The following KCNK9 variants were observed in gnomAD, a reference collection of about 807,000 sequenced individuals.
The protein encoded by KCNK9 is potassium two pore domain channel subfamily K member 9, also known as potassium channel subfamily K member 9.
A neutral mutation model predicts 10.8 loss-of-function variants in KCNK9; 1 was observed. The ratio of observed to expected loss-of-function variants is 0.09; its 90% CI spans 0.03 to 0.44. The LOEUF (loss-of-function observed/expected upper bound fraction) is 0.44. Ranked by LOEUF, KCNK9 falls within the 20% of genes least tolerant of loss-of-function variation. KCNK9 has a pLI of 0.97. For synonymous variants in KCNK9, 231 were observed against 222.7 expected, an observed-to-expected ratio of 1.04 and a Z score of -0.33; for missense variants, 303 against 515.0, an observed-to-expected ratio of 0.59 and a Z score of 3.98.
intron 2 of KCNK9, among the ~76,000 whole-genome samples, chr8:139,606,886 AC>A (rs1284443043): frequency 1.3e-5 from 2 of 152,158 alleles, no homozygotes; most frequent in African/African-American, 4.8e-5. Context: ...GTTTTGCCTA[AC>A]CCAGTGCAAT....
chr8:139,701,679 G>A (rs971459118), intron 1 of KCNK9, among the ~76,000 whole-genome samples: 1 of 152,130 alleles, frequency 6.6e-6, no homozygotes, highest in African/African-American at 2.4e-5. Context: ...CTGCCTCACT[G>A]GGGCAAGTGA....
intron 1 of KCNK9, among the ~76,000 whole-genome samples, chr8:139,660,138 G>A (rs182978962): frequency 8.8e-4 from 134 of 152,084 alleles, no homozygotes; most frequent in South Asian, 5.2e-3. Context: ...CTGTGACCTC[G>A]GGCACATTTC....
chr8:139,677,765 G>A (rs1195897213), intron 1 of KCNK9, among the ~76,000 whole-genome samples: 1 of 113,824 alleles, frequency 8.8e-6, no homozygotes, highest in Non-Finnish European at 1.8e-5. Flanking sequence ...CCTCACATCT[G>A]ATCCCAATGT....
chr8:139,668,462 C>A (rs1816351145), intron 1 of KCNK9, among the ~76,000 whole-genome samples: 1 of 144,830 alleles, frequency 6.9e-6, no homozygotes, highest in Non-Finnish European at 1.5e-5. Context: ...GCTCTTGTTG[C>A]CCAGGTTAGA....
chr8:139,615,268 A>C (rs1389355304), downstream of KCNK9, among the ~76,000 whole-genome samples: 1 of 152,152 alleles, frequency 6.6e-6, no homozygotes, highest in Non-Finnish European at 1.5e-5. Context: ...TCTGAACCTC[A>C]ATGTCCTCGT....
At chr8:139,682,782 G>A (rs1476297975) in intron 1 of KCNK9, among the ~76,000 whole-genome samples, 2 of 152,184 alleles carry the variant, frequency 1.3e-5, no homozygotes, top group South Asian at 2.1e-4. Flanking sequence ...GGAGAAGGCC[G>A]AGTAGGTGAC....
chr8:139,659,615 C>T (rs182043168), intron 1 of KCNK9, among the ~76,000 whole-genome samples: 22 of 152,198 alleles, frequency 1.4e-4, no homozygotes, highest in African/African-American at 4.1e-4. Flanking sequence ...AGGTTCACGC[C>T]GTTCTCTTGC....
In KCNK9 at chr8:139,671,614, G is replaced by A. The variant is rs182357230; in HGVS notation, c.283+31096C>T. ...CAACCTCTGCCTTCAGGGTTCAAGCGATAAGCGATTATCCTGCCTCAGCCT... is the reference window on the plus strand; with the variant it reads ...CAACCTCTGCCTTCAGGGTTCAAGCAATAAGCGATTATCCTGCCTCAGCCT... On this transcript the variant is annotated intron_variant, in intron 1 of 1. Coordinates refer to ENST00000520439, the MANE Select transcript of KCNK9 (RefSeq NM_001282534.2). 4.6e-5 allele frequency among the ~76,000 whole-genome samples: 7 copies of A among 151,484 alleles called. No homozygotes were observed. The East Asian group carries it at 1.2e-3, about 25-fold the overall frequency.
intron 1 of KCNK9, among the ~76,000 whole-genome samples, chr8:139,651,076 T>C (rs1276539265): frequency 2.0e-5 from 3 of 151,816 alleles, no homozygotes; most frequent in Non-Finnish European, 2.9e-5. Flanking sequence ...GCTATCAGGG[T>C]GGATGTGGAA....
chr8:139,675,365 A>G (rs1218015446), intron 1 of KCNK9, among the ~76,000 whole-genome samples: 1 of 152,174 alleles, frequency 6.6e-6, no homozygotes, highest in Non-Finnish European at 1.5e-5. Context: ...TAAAATCCAT[A>G]TGTTAAAATT....
intron 1 of KCNK9, among the ~76,000 whole-genome samples, chr8:139,642,567 A>G (rs982315169): frequency 6.6e-6 from 1 of 152,176 alleles, no homozygotes; most frequent in Admixed American, 6.5e-5. Context: ...TCAAAATAGG[A>G]CGCACTGCCC....
At chr8:139,663,946 G>A (rs546485719) in intron 1 of KCNK9, among the ~76,000 whole-genome samples, 1 of 152,260 alleles carries the variant, frequency 6.6e-6, no homozygotes, top group Non-Finnish European at 1.5e-5. Flanking sequence ...AGAAGAAATT[G>A]CGAAATAACA....
chr8:139,697,693 C>A (rs1817096209), intron 1 of KCNK9, among the ~76,000 whole-genome samples: 1 of 152,138 alleles, frequency 6.6e-6, no homozygotes, highest in African/African-American at 2.4e-5. Flanking sequence ...TCTCCAACTC[C>A]TGGGTCTCAC....
chr8:139,683,240 G>A (rs1248909704), intron 1 of KCNK9, among the ~76,000 whole-genome samples: 2 of 152,156 alleles, frequency 1.3e-5, no homozygotes, highest in African/African-American at 2.4e-5. Context: ...AGACGAGGGT[G>A]AAGAGCAGGT....
intron 1 of KCNK9, among the ~76,000 whole-genome samples, chr8:139,625,914 T>G (rs112419436): frequency 2.5e-4 from 38 of 152,314 alleles, no homozygotes; most frequent in African/African-American, 8.7e-4. Context: ...CCAGAAGTCA[T>G]GGCAGCCACC....
rs1373102870 is a variant in KCNK9, at chr8:139,702,379, G to T, written c.283+331C>A. The stretch of plus-strand genomic sequence containing the variant: ...GCCCGCGCCGGGGCGGTGGGTGGGT[G>T]GGTGTCTGCTATGGGATTATTCTTA... On this transcript the variant is annotated intron_variant, in intron 1 of 1. Transcript: ENST00000520439. The surrounding 1 kb of genome is among the most constrained non-coding windows in gnomAD (Gnocchi z 7.5). Among the ~76,000 whole-genome samples the T allele has an allele frequency of 6.6e-6, 1 of 152,096 alleles. No homozygotes were observed. Among genetic ancestry groups the T allele is most frequent in the African/African-American group, 2.4e-5 (1 of 41,422 alleles).
downstream of KCNK9, chr8:139,611,612 A>G (rs1337376782): frequency 6.6e-5 from 10 of 152,246 alleles, no homozygotes; most frequent in Non-Finnish European, 1.3e-4. Flanking sequence ...ACGGGGCCCA[A>G]CTTCTTCAGA....
intron 1 of KCNK9, among the ~76,000 whole-genome samples, chr8:139,670,771 C>A (rs1586679490): frequency 6.6e-6 from 1 of 152,306 alleles, no homozygotes; most frequent in South Asian, 2.1e-4. Context: ...ATATTTCTTA[C>A]AATAATTATG....
chr8:139,684,991 C>T (rs1326853977), intron 1 of KCNK9, among the ~76,000 whole-genome samples: 1 of 152,118 alleles, frequency 6.6e-6, no homozygotes, highest in African/African-American at 2.4e-5. Flanking sequence ...TGTGCTAAAC[C>T]CAACATGTGT....
Sources: gnomAD v4.1 joint callset for allele counts (sites outside exome capture counted in the v4.1 genomes callset) on GRCh38, gnomAD v4.1.1 for gene constraint, Gnocchi (gnomAD v3.1) non-coding constraint, MANE v1.5 for transcripts, NCBI Gene and HGNC (gene_info 2026-07-23, HGNC 2026-07-21) for gene names.